Variants in MIER1 observed in about 807,000 individuals in gnomAD.
MIER1 encodes mesoderm induction early response protein 1.
A neutral mutation model predicts 75.7 loss-of-function variants in MIER1; 40 were observed. The ratio of observed to expected loss-of-function variants is 0.53; its 90% CI spans 0.41 to 0.69. The LOEUF (loss-of-function observed/expected upper bound fraction) is 0.69, where lower values mean the gene tolerates loss of function less well. MIER1 is among the 30% of genes least tolerant of loss of function. The pLI is 0.00. For missense variants in MIER1, 574 were observed against 680.2 expected, an observed-to-expected ratio of 0.84 and a Z score of 1.74; for synonymous variants, 213 against 223.4, an observed-to-expected ratio of 0.95 and a Z score of 0.42.
intron 4 of MIER1, among the ~76,000 whole-genome samples, chr1:66,956,094 T>C (rs1402204833): frequency 5.3e-5 from 8 of 152,150 alleles, no homozygotes; most frequent in Non-Finnish European, 8.8e-5. Context: ...ACATAGAAGA[T>C]ACTTTATGAC....
chr1:66,930,598 C>T (rs1201325216), intron 2 of MIER1, among the ~76,000 whole-genome samples: 1 of 151,584 alleles, frequency 6.6e-6, no homozygotes, highest in African/African-American at 2.4e-5. Context: ...TAGGAGGAAG[C>T]GGAGGCGTAC....
In MIER1 at chr1:66,930,430, C is replaced by G. The variant is rs563155555; in HGVS notation, c.168+4188C>G. The G allele has an allele frequency of 6.9e-6, 11 of 1,603,158 alleles. No individual in the cohort carries two copies. The East Asian group carries it at 1.4e-4, about 20-fold the overall frequency. On this transcript the variant is annotated intron_variant, in intron 2 of 13. Coordinates refer to ENST00000401041, the MANE Select transcript of MIER1 (RefSeq NM_001077700.3). The stretch of plus-strand genomic sequence containing the variant: ...GGGAGCGAGCTCCCCCTCCCTGTCC[C>G]GGAGCCGGGCGCCCCCGGCCCTGGG...
At chr1:66,937,971 C>T (rs1655309401) in intron 2 of MIER1, among the ~76,000 whole-genome samples, 1 of 152,140 alleles carries the variant, frequency 6.6e-6, no homozygotes, top group Admixed American at 6.6e-5. Flanking sequence ...TCCACTTGTG[C>T]TAATCTAGAT....
intron 8 of MIER1, among the ~76,000 whole-genome samples, chr1:66,969,791 C>G (rs1487532282): frequency 6.6e-6 from 1 of 152,142 alleles, no homozygotes; most frequent in Admixed American, 6.6e-5. Context: ...ACTCCCCTAT[C>G]TCCACCATCA....
At chr1:66,930,617 C>G (rs925299942) in intron 2 of MIER1, among the ~76,000 whole-genome samples, 1 of 151,246 alleles carries the variant, frequency 6.6e-6, no homozygotes, top group Non-Finnish European at 1.5e-5. Flanking sequence ...ACTTGGACTT[C>G]GGGGGCAGTT....
At chr1:66,936,870 G>T (rs1654982036) in intron 2 of MIER1, among the ~76,000 whole-genome samples, 1 of 151,374 alleles carries the variant, frequency 6.6e-6, no homozygotes, top group Non-Finnish European at 1.5e-5. Flanking sequence ...GTGGTGGTGT[G>T]CACCTGTAGT....
intron 9 of MIER1, among the ~76,000 whole-genome samples, 181 bp from the exon 10 acceptor site, chr1:66,971,474 T>C (rs561894993): frequency 3.9e-5 from 6 of 152,196 alleles, no homozygotes; most frequent in Non-Finnish European, 8.8e-5. Flanking sequence ...TTAAAGGTAG[T>C]TGATTTATCA....
At chr1:66,973,017 C>CA in intron 11 of MIER1, 26 bp downstream of exon 11, 1 of 1,325,458 alleles carries the variant, frequency 7.5e-7, no homozygotes, top group Non-Finnish European at 1.1e-6. Flanking sequence ...CTCTTTTTTG[C>CA]AAAAAGAAAT....
intron 2 of MIER1, among the ~76,000 whole-genome samples, chr1:66,930,942 C>T (rs533599969): frequency 5.9e-5 from 9 of 152,110 alleles, no homozygotes; most frequent in Non-Finnish European, 1.3e-4. Flanking sequence ...CGCAATCCAG[C>T]CCTCCAGGTT....
chr1:66,934,331 A>G (rs1026104666), intron 2 of MIER1, among the ~76,000 whole-genome samples: 1 of 151,896 alleles, frequency 6.6e-6, no homozygotes, highest in African/African-American at 2.4e-5. Flanking sequence ...CAATTCATCT[A>G]TGGCACAGTT....
intron 7 of MIER1, among the ~76,000 whole-genome samples, chr1:66,962,069 A>T (rs1254207274): frequency 1.3e-5 from 2 of 152,164 alleles, no homozygotes; most frequent in East Asian, 1.9e-4. Context: ...AATTTTGAAA[A>T]TGTCAGTAAA....
rs887026695 is a variant in MIER1, at chr1:66,958,351, C to T, written c.501+131C>T. 17 of 592,478 alleles carry T rather than the reference C, an allele frequency of 2.9e-5. No individual in the cohort carries two copies. In the East Asian group the frequency reaches 5.5e-4, roughly 19 times the overall value. The allele number at this position is 592,478 out of a possible 1,614,324, so 36.7% of individuals were successfully genotyped here. ...AAAAGTGTTAAAAATTAAGATATTA[C>T]AGAAATACATAATATAAAAATTGGA... On this transcript the variant is annotated intron_variant, in intron 5 of 13. Coordinates refer to ENST00000401041, the MANE Select transcript of MIER1 (RefSeq NM_001077700.3).
In MIER1 at chr1:66,984,807, C is replaced by T. The variant is rs1288456336; in HGVS notation, c.1605C>T (p.Asn535=). 1 of 1,613,806 alleles carries T rather than the reference C, an allele frequency of 6.2e-7. No homozygotes were observed. Among genetic ancestry groups the T allele is most frequent in the African/African-American group, 1.3e-5 (1 of 74,982 alleles). Residue 535 remains asparagine (N), a synonymous_variant, in exon 14 of 14, where the codon AAC becomes AAT. Coordinates refer to ENST00000401041, the MANE Select transcript of MIER1 (RefSeq NM_001077700.3). ...SERPAKRRRV[N]SNGKESPGSS... Reference sequence around the variant, plus strand: ...GACCTGCCAAAAGGCGAAGGGTAAACAGCAATGGAAAAGAAAGTCCAGGTT... The same window carrying T: ...GACCTGCCAAAAGGCGAAGGGTAAATAGCAATGGAAAAGAAAGTCCAGGTT...
chr1:66,971,346 A>T (rs1466589601), intron 9 of MIER1, among the ~76,000 whole-genome samples: 1 of 152,008 alleles, frequency 6.6e-6, no homozygotes, highest in Non-Finnish European at 1.5e-5. Context: ...ATTTGTTTAA[A>T]ATTATAGGAA....
At chr1:66,969,502 G>A (rs371209288) in intron 8 of MIER1, among the ~76,000 whole-genome samples, 249 of 124,008 alleles carry the variant, frequency 2.0e-3, no homozygotes, top group African/African-American at 6.5e-3. Context: ...CCAAGATCGC[G>A]CCACTGCACT....
At chr1:66,979,094 GTTGT>G (rs1460118421) in intron 12 of MIER1, among the ~76,000 whole-genome samples, 8 of 151,424 alleles carry the variant, frequency 5.3e-5, no homozygotes, top group African/African-American at 2.0e-4. Flanking sequence ...GCCCCACTGG[GTTGT>G]TTTTTTTTTA....
At chr1:66,925,269 C>G (rs1185577032) in intron 1 of MIER1, 174 bp downstream of exon 1, 3 of 984,018 alleles carry the variant, frequency 3.0e-6, no homozygotes, top group Non-Finnish European at 2.4e-6. Context: ...GGCTTGCTCT[C>G]CGCCGGCTGC....
At chr1:66,951,558 T>C (rs536837251) in intron 4 of MIER1, among the ~76,000 whole-genome samples, 53 of 144,066 alleles carry the variant, frequency 3.7e-4, no homozygotes, top group African/African-American at 1.4e-3. Flanking sequence ...TCTGCAAATA[T>C]AGTGTGTATT....
At chr1:66,929,849 C>T (rs1312173271) in intron 2 of MIER1, among the ~76,000 whole-genome samples, 11 of 152,234 alleles carry the variant, frequency 7.2e-5, no homozygotes, top group African/African-American at 2.7e-4. Flanking sequence ...GCTTTCAAAG[C>T]ACAGTTCTTG....
Sources: gnomAD v4.1 joint callset for allele counts (sites outside exome capture counted in the v4.1 genomes callset) on GRCh38, gnomAD v4.1.1 for gene constraint, MANE v1.5 for transcripts, NCBI Gene and HGNC (gene_info 2026-07-23, HGNC 2026-07-21) for gene names.